RPH3AL: variants seen among roughly 807,000 people sequenced by gnomAD.
The protein encoded by RPH3AL is rab effector Noc2.
In RPH3AL, 38 loss-of-function variants were observed where a neutral mutation model predicts 43.1. The ratio of observed to expected loss-of-function variants is 0.88; its 90% confidence interval spans 0.68 to 1.15. The LOEUF (loss-of-function observed/expected upper bound fraction) is 1.15, where lower values mean the gene tolerates loss of function less well. Among genes scored for constraint, RPH3AL ranks in the 50% most tolerant of loss-of-function variants. The pLI, the probability that RPH3AL is intolerant of heterozygous loss-of-function variation, is 0.00. For synonymous variants in RPH3AL, 189 were observed against 176.3 expected, an observed-to-expected ratio of 1.07 and a Z score of -0.57; for missense variants, 462 against 423.2, an observed-to-expected ratio of 1.09 and a Z score of -0.81.
At chr17:263,187 G>A (rs950226322) in intron 6 of RPH3AL, among the ~76,000 whole-genome samples, 4 of 152,202 alleles carry the variant, frequency 2.6e-5, no homozygotes, top group African/African-American at 9.6e-5. Flanking sequence ...GGGGGAGGAA[G>A]AGGCGGCCTC....
intron 2 of RPH3AL, chr17:331,697 T>A (rs997293870): frequency 1.6e-6 from 2 of 1,287,738 alleles, no homozygotes; most frequent in Admixed American, 2.3e-5. Context: ...CCGACCCCCA[T>A]GCCCGGCACC....
chr17:251,964 C>CTT (rs71371530), intron 6 of RPH3AL, among the ~76,000 whole-genome samples: 7 of 129,232 alleles, frequency 5.4e-5, no homozygotes, highest in African/African-American at 1.5e-4. Context: ...GAAGTTTTCT[C>CTT]TTTTTTTTTT....
intron 6 of RPH3AL, among the ~76,000 whole-genome samples, chr17:258,978 C>T (rs782518903): frequency 6.6e-6 from 1 of 152,128 alleles, no homozygotes; most frequent in East Asian, 1.9e-4. Context: ...ATACGATTCA[C>T]CCCAATATTT....
At chr17:259,486 G>A (rs2042149958) in intron 6 of RPH3AL, among the ~76,000 whole-genome samples, 1 of 152,096 alleles carries the variant, frequency 6.6e-6, no homozygotes, top group Non-Finnish European at 1.5e-5. Flanking sequence ...CCCGCTGCCT[G>A]GCATCCACAT....
chr17:329,075 A>G (rs1268664698), intron 2 of RPH3AL, among the ~76,000 whole-genome samples: 1 of 152,174 alleles, frequency 6.6e-6, no homozygotes, highest in East Asian at 1.9e-4. Flanking sequence ...CATTTCAAGA[A>G]TACACTAAAA....
At chr17:309,271 C>T (rs566950695) in intron 5 of RPH3AL, among the ~76,000 whole-genome samples, 29 of 152,318 alleles carry the variant, frequency 1.9e-4, no homozygotes, top group Admixed American at 1.1e-3. Flanking sequence ...CCAGCCTGGG[C>T]GGCAGAGCTA....
In RPH3AL at chr17:213,473, T is replaced by C. The variant is rs1325029412; in HGVS notation, c.*379A>G. Reference sequence around the variant, plus strand: ...CCGTGCCCTAGGTTTCATTTAGTCTTGCCATTAATATAGCAACGGAGATAG... The same window carrying C: ...CCGTGCCCTAGGTTTCATTTAGTCTCGCCATTAATATAGCAACGGAGATAG... On this transcript the variant is annotated 3_prime_UTR_variant, in exon 10 of 10. Transcript: ENST00000331302. 1 of 312,184 alleles carries C rather than the reference T, an allele frequency of 3.2e-6. No individual in the cohort carries two copies. The highest frequency in any genetic ancestry group is 2.2e-5 in the African/African-American group (1 of 45,302). 19.3% of individuals were successfully genotyped at this position (312,184 alleles called of 1,614,324 possible).
chr17:314,884 G>C (rs1310725960), intron 5 of RPH3AL, among the ~76,000 whole-genome samples: 13 of 147,608 alleles, frequency 8.8e-5, no homozygotes, highest in East Asian at 2.0e-4. Context: ...TTGACCTGTA[G>C]TCTCTGTGCT....
At chr17:240,978 A>AC (rs1567575103) in intron 7 of RPH3AL, among the ~76,000 whole-genome samples, 1 of 151,422 alleles carries the variant, frequency 6.6e-6, no homozygotes, top group East Asian at 1.9e-4. Flanking sequence ...AATTGCTTGA[A>AC]CCCAGGAGGC....
chr17:281,831 G>A lies in RPH3AL; in HGVS notation c.375C>T (p.Ile125=), dbSNP rs140211107. The A allele has an allele frequency of 1.7e-5, 27 of 1,613,772 alleles. No homozygotes were observed. The African/African-American group carries it at 2.1e-4, about 13-fold the overall frequency. ...GCCGCTTCTGGCCAGGGGAGGCCTC[G>A]ATCCCACATTTGGTGCAGACTTTCT... The part of the protein sequence containing the change: ...CRKKVCTKCG[I]EASPGQKRPL... Residue 125 remains isoleucine, a synonymous_variant, in exon 6 of 10, where the codon ATC becomes ATT. Coordinates refer to ENST00000331302, the MANE Select transcript of RPH3AL (RefSeq NM_006987.4).
intron 2 of RPH3AL, among the ~76,000 whole-genome samples, chr17:329,370 G>A (rs1754681061): frequency 6.6e-6 from 1 of 152,176 alleles, no homozygotes; most frequent in South Asian, 2.1e-4. Flanking sequence ...CAGCTACTGA[G>A]GAGGCTGAGG....
chr17:253,595 T>G (rs1325436803), intron 6 of RPH3AL, among the ~76,000 whole-genome samples: 2 of 152,124 alleles, frequency 1.3e-5, no homozygotes, highest in African/African-American at 2.4e-5. Flanking sequence ...CTTGCCAAAC[T>G]GAAACTCTAT....
At chr17:329,836 AGAG>A (rs920804639) in intron 2 of RPH3AL, among the ~76,000 whole-genome samples, 4 of 152,242 alleles carry the variant, frequency 2.6e-5, no homozygotes, top group African/African-American at 9.6e-5. Context: ...ATGGCTGAAA[AGAG>A]GAGGACTTTT....
At chr17:253,074 G>C (rs574668161) in intron 6 of RPH3AL, among the ~76,000 whole-genome samples, 3 of 152,310 alleles carry the variant, frequency 2.0e-5, no homozygotes, top group African/African-American at 7.2e-5. Flanking sequence ...TGGAATCCAA[G>C]GCCTCCTCTG....
intron 1 of RPH3AL, among the ~76,000 whole-genome samples, chr17:349,749 AC>A (rs2045317730): frequency 6.6e-6 from 1 of 152,222 alleles, no homozygotes; most frequent in South Asian, 2.1e-4. Context: ...TTAAGACATA[AC>A]CTTCCAAAAA....
At chr17:329,345 G>A (rs561265262) in intron 2 of RPH3AL, among the ~76,000 whole-genome samples, 14 of 152,236 alleles carry the variant, frequency 9.2e-5, no homozygotes, top group African/African-American at 2.4e-4. Flanking sequence ...GTGTGGTGGC[G>A]AGTGCCTGTA....
chr17:262,139 C>A (rs1343065556), intron 6 of RPH3AL, among the ~76,000 whole-genome samples: 1 of 152,130 alleles, frequency 6.6e-6, no homozygotes, highest in Non-Finnish European at 1.5e-5. Flanking sequence ...ATGGTGGGAA[C>A]ATTCTCCTTG....
At position 219,707 on chromosome 17, in the gene RPH3AL, C is replaced by G; in HGVS notation, c.643G>C (p.Asp215His). The change falls in exon 8 of 10, where the codon GAT becomes CAT. Residue 215 changes from aspartate to histidine, a missense_variant. Asp to His is a moderately conservative substitution (Grantham distance 81). Transcript: ENST00000331302. ...VVSSDSDSDS[D>H]LSSSSLEDRL... is the part of the protein sequence containing the mutation. ...TCCTCTAGGCTGGAGGAGCTAAGAT[C>G]CGAGTCACTGTCACTGTCACTGGAA... 7 of 1,613,596 alleles carry G rather than the reference C, an allele frequency of 4.3e-6. No homozygotes were observed. The highest frequency in any genetic ancestry group is 5.9e-6 in the Non-Finnish European group (7 of 1,179,864).
intron 2 of RPH3AL, among the ~76,000 whole-genome samples, chr17:329,384 G>A (rs368973585): frequency 1.6e-4 from 25 of 152,294 alleles, no homozygotes; most frequent in African/African-American, 3.8e-4. Context: ...GCTGAGGCAG[G>A]AGAATTGCTT....
Sources: allele counts gnomAD v4.1 joint callset (sites outside exome capture counted in the v4.1 genomes callset), GRCh38; gene constraint gnomAD v4.1.1; transcripts MANE v1.5; gene names NCBI Gene and HGNC (gene_info 2026-07-23, HGNC 2026-07-21).